The following SPDYA variants were observed in gnomAD, a reference collection of about 807,000 sequenced individuals.
The protein encoded by SPDYA is speedy protein A.
In SPDYA, 11 loss-of-function variants were observed where a neutral mutation model predicts 36.7. The observed-to-expected ratio is 0.30, with a 90% CI of 0.19 to 0.50. The LOEUF (loss-of-function observed/expected upper bound fraction) is 0.50, where lower values mean the gene tolerates loss of function less well. Among genes scored for constraint, SPDYA ranks in the 20% least tolerant of loss-of-function variants. SPDYA has a pLI of 0.98. For missense variants in SPDYA, 287 were observed against 370.9 expected, an observed-to-expected ratio of 0.77 and a Z score of 1.86; for synonymous variants, 115 against 118.7, an observed-to-expected ratio of 0.97 and a Z score of 0.20.
chr2:28,847,809 G>A (rs1668918928), intron 7 of SPDYA, among the ~76,000 whole-genome samples: 1 of 151,910 alleles, frequency 6.6e-6, no homozygotes, highest in South Asian at 2.1e-4. Flanking sequence ...GATTATAATG[G>A]AGCTGAAAAA....
rs536451667 is a variant in SPDYA at position 28,847,914 on chromosome 2, G to A, written c.851-1936G>A. ...ATACTTACCATTGTCTTATAAATGCGAATGGTAGTTAGTACAGTAACATGC... is the reference window on the plus strand; with the variant it reads ...ATACTTACCATTGTCTTATAAATGCAAATGGTAGTTAGTACAGTAACATGC... On this transcript the variant is annotated intron_variant, in intron 7 of 7. Transcript: ENST00000334056. Among the ~76,000 whole-genome samples the A allele has an allele frequency of 1.9e-4, 29 of 152,150 alleles. 2 individuals carry two copies. In the East Asian group the frequency reaches 4.8e-3, roughly 25 times the overall value.
At chr2:28,829,422 T>TG (rs1668418207) in intron 6 of SPDYA, 103 bp downstream of exon 6, 32 of 1,180,080 alleles carry the variant, frequency 2.7e-5, no homozygotes, top group Non-Finnish European at 2.3e-5. Context: ...TCTGGGTTTT[T>TG]TTTTTTTTTC....
chr2:28,837,906 G>T (rs1487482200), intron 6 of SPDYA, among the ~76,000 whole-genome samples: 1 of 151,766 alleles, frequency 6.6e-6, no homozygotes, highest in Admixed American at 6.6e-5. Flanking sequence ...ATCACAGACA[G>T]GTAGAGTATA....
Position 28,850,237 on chromosome 2 carries a change from G to A in SPDYA, c.*296G>A. On this transcript the variant is annotated 3_prime_UTR_variant, in exon 8 of 8. Coordinates refer to ENST00000334056, the MANE Select transcript of SPDYA (RefSeq NM_182756.4). ...GGTTTGACCTTCCTCAACTTGACAAGAAAAGCTAATTTAAGAGAAGAAAAA... is the reference window on the plus strand; with the variant it reads ...GGTTTGACCTTCCTCAACTTGACAAAAAAAGCTAATTTAAGAGAAGAAAAA... 2 of 1,611,410 alleles carry A rather than the reference G, an allele frequency of 1.2e-6. No individual in the cohort carries two copies. Among genetic ancestry groups the A allele is most frequent in the Non-Finnish European group, 1.7e-6 (2 of 1,178,782 alleles).
intron 7 of SPDYA, among the ~76,000 whole-genome samples, chr2:28,842,580 G>A (rs941191128): frequency 6.6e-6 from 1 of 152,106 alleles, no homozygotes; most frequent in Non-Finnish European, 1.5e-5. Flanking sequence ...TCCTTTCACT[G>A]GGTGAAAGCC....
intron 3 of SPDYA, among the ~76,000 whole-genome samples, chr2:28,818,451 AAAAAAAAAAAG>A (rs1254182092): frequency 2.7e-5 from 4 of 149,770 alleles, no homozygotes; most frequent in Non-Finnish European, 5.9e-5. Context: ...AAAAAAAAAA[AAAAAAAAAAAG>A]AGAAAGAGAG....
At chr2:28,837,396 T>C (rs1668630651) in intron 6 of SPDYA, among the ~76,000 whole-genome samples, 1 of 152,184 alleles carries the variant, frequency 6.6e-6, no homozygotes, top group African/African-American at 2.4e-5. Context: ...AACTGGATTC[T>C]TTGGGAAGAT....
chr2:28,839,792 G>A (rs370317702), intron 6 of SPDYA, among the ~76,000 whole-genome samples: 5 of 152,268 alleles, frequency 3.3e-5, no homozygotes, highest in African/African-American at 9.6e-5. Flanking sequence ...GTGAGCCACC[G>A]CGCCCGGCCA....
chr2:28,840,293 C>A lies in SPDYA; in HGVS notation c.674C>A (p.Pro225Gln), dbSNP rs1218095001. The A allele has an allele frequency of 6.2e-7, 1 of 1,613,176 alleles. No individual in the cohort carries two copies. Among genetic ancestry groups the A allele is most frequent in the Admixed American group, 1.7e-5 (1 of 59,834 alleles). ...VQLPRGPSAT[P>Q]VDCSLCGKKR... is the part of the protein sequence containing the mutation. ...CTGCCCCGGGGACCTAGTGCCACAC[C>A]AGTAGATTGTTCACTCTGTGGTAAA... The change falls in exon 7 of 8, where the codon CCA (proline) becomes CAA (glutamine). Residue 225 changes from proline (P) to glutamine (Q), a missense_variant. Transcript: ENST00000334056.
chr2:28,845,890 A>G (rs1463865012), intron 7 of SPDYA, among the ~76,000 whole-genome samples: 2 of 152,150 alleles, frequency 1.3e-5, no homozygotes, highest in African/African-American at 4.8e-5. Flanking sequence ...ATGTATTACT[A>G]TGAAAGCTCT....
chr2:28,816,423 T>G (rs925035019), intron 3 of SPDYA, among the ~76,000 whole-genome samples, 174 bp downstream of exon 3: 5 of 152,160 alleles, frequency 3.3e-5, no homozygotes, highest in African/African-American at 1.2e-4. Flanking sequence ...AATGTTGGGT[T>G]TTTGTTTGTT....
At chr2:28,819,834 AAAAAAAAAAAAAAAAATATATAT>A in intron 4 of SPDYA, among the ~76,000 whole-genome samples, 1 of 51,274 alleles carries the variant, frequency 2.0e-5, no homozygotes, top group African/African-American at 8.5e-5. Flanking sequence ...AAAAAAAAAA[AAAAAAAAAAAAAAAAATATATAT>A]ATATATATAT....
intron 6 of SPDYA, among the ~76,000 whole-genome samples, chr2:28,839,652 C>T (rs567623433): frequency 6.6e-6 from 1 of 152,164 alleles, no homozygotes; most frequent in African/African-American, 2.4e-5. Flanking sequence ...CAGGCGCCCA[C>T]AACCACGCCC....
At chr2:28,834,081 A>AAC (rs56865803) in intron 6 of SPDYA, among the ~76,000 whole-genome samples, 9,803 of 146,638 alleles carry the variant, frequency 0.067, 326 homozygotes, top group South Asian at 0.099. Context: ...AAATTGCTAA[A>AAC]ACACACACAC....
Position 28,819,008 on chromosome 2 carries a change from C to G in SPDYA, c.236-40C>G, listed in dbSNP as rs530837474. ...AATTAATTCTTCAAAAGGAAACATT[C>G]TGTTTTTAAAAGACAAGTTATAGCT... On this transcript the variant is annotated intron_variant, in intron 3 of 7. Coordinates refer to ENST00000334056, the MANE Select transcript of SPDYA (RefSeq NM_182756.4). 47 of 1,468,066 alleles carry G rather than the reference C, an allele frequency of 3.2e-5. 2 individuals carry two copies. In the South Asian group the frequency reaches 5.3e-4, roughly 17 times the overall value. The allele number at this position is 1,468,066 out of a possible 1,614,324, so 90.9% of individuals were successfully genotyped here.
chr2:28,822,127 A>G lies in SPDYA; in HGVS notation c.295-198A>G, dbSNP rs537253540. Among the ~76,000 whole-genome samples, 5 of 152,312 alleles carry G rather than the reference A, an allele frequency of 3.3e-5. No individual in the cohort carries two copies. The East Asian group carries it at 7.7e-4, about 23-fold the overall frequency. On this transcript the variant is annotated intron_variant, in intron 4 of 7. Transcript: ENST00000334056. ...AGTCCATTCTAGTTTATAATGATAT[A>G]ATAAATAGTCAAGAATTACTTTTCA...
intron 1 of SPDYA, among the ~76,000 whole-genome samples, chr2:28,814,299 TCAGAA>T (rs1459539126): frequency 6.6e-6 from 1 of 152,020 alleles, no homozygotes; most frequent in African/African-American, 2.4e-5. Context: ...AAAATTAGTA[TCAGAA>T]CAGATTTGTA....
chr2:28,834,798 C>T (rs966303759), intron 6 of SPDYA, among the ~76,000 whole-genome samples: 2 of 152,160 alleles, frequency 1.3e-5, no homozygotes, highest in African/African-American at 4.8e-5. Flanking sequence ...GGTTGCTTAA[C>T]TCTGAATATA....
At chr2:28,826,295 C>G (rs759044065) in intron 5 of SPDYA, among the ~76,000 whole-genome samples, 1 of 152,062 alleles carries the variant, frequency 6.6e-6, no homozygotes, top group Non-Finnish European at 1.5e-5. Context: ...GACCACCATG[C>G]CTGGTTAACT....
Sources: allele counts gnomAD v4.1 joint callset (sites outside exome capture counted in the v4.1 genomes callset), GRCh38; gene constraint gnomAD v4.1.1; transcripts MANE v1.5; gene names NCBI Gene and HGNC (gene_info 2026-07-23, HGNC 2026-07-21).